Variants in BFSP1 observed in about 807,000 individuals in gnomAD.
BFSP1 encodes the protein beaded filament structural protein 1.
BFSP1 carries 38 observed loss-of-function variants against 43.9 expected under a neutral mutation model. The observed-to-expected ratio is 0.87, with a 90% CI of 0.67 to 1.14. The LOEUF is 1.14. BFSP1 is among the 50% of genes most tolerant of loss of function. The pLI is 0.00. For synonymous variants in BFSP1, 352 were observed against 354.8 expected (o/e 0.99, Z 0.09); for missense variants, 850 against 875.1 (o/e 0.97, Z 0.36).
chr20:17,522,819 T>C (rs1354393061), intron 2 of BFSP1, among the ~76,000 whole-genome samples: 1 of 152,210 alleles, frequency 6.6e-6, no homozygotes, highest in African/African-American at 2.4e-5. Flanking sequence ...TGTGATTCCA[T>C]TTCACAGATG....
chr20:17,530,979 C>T lies in BFSP1; in HGVS notation c.351G>A (p.Gln117=), dbSNP rs1600667249. 1 of 1,439,224 alleles carries T rather than the reference C, an allele frequency of 6.9e-7. No individual in the cohort carries two copies. The highest frequency in any genetic ancestry group is 1.5e-5 in the African/African-American group (1 of 67,574). The allele number at this position is 1,439,224 out of a possible 1,614,324, so 89.2% of individuals were successfully genotyped here. A position where few individuals can be genotyped will look rare whatever the true frequency, so the allele number is the denominator to read the frequency against. ...ARLERQGTEA[Q]RALDEFRSKY... ...TGCTTCGGAACTCGTCGAGCGCGCG[C>T]TGCGCCTCGGTGCCCTGGCGCTCCA... Residue 117 remains glutamine (Q), a synonymous_variant, in exon 1 of 8, where the codon CAG becomes CAA. Coordinates refer to ENST00000377873, the MANE Select transcript of BFSP1 (RefSeq NM_001195.5).
At chr20:17,506,547 G>A (rs967971967) in intron 5 of BFSP1, among the ~76,000 whole-genome samples, 3 of 143,654 alleles carry the variant, frequency 2.1e-5, no homozygotes, top group Admixed American at 7.0e-5. Flanking sequence ...TTTTGGAAAC[G>A]GGGTCTCATT....
chr20:17,563,634 TCC>T (rs2035088091), upstream of BFSP1, among the ~76,000 whole-genome samples: 1 of 151,944 alleles, frequency 6.6e-6, no homozygotes, highest in South Asian at 2.1e-4. Context: ...AGTCACCTCC[TCC>T]CCACCACCCC....
Position 17,525,451 on chromosome 20 carries a change from G to C in BFSP1, c.378-543C>G, listed in dbSNP as rs958539760. ...ATGAGGAAACTCAGGCAGATGCTCC[G>C]CACACTTTTCCCTCCTCCCAGCAGC... is the stretch of plus-strand genomic sequence containing the variant. On this transcript the variant is annotated intron_variant, in intron 1 of 7. Coordinates refer to ENST00000377873, the MANE Select transcript of BFSP1 (RefSeq NM_001195.5). The surrounding 1 kb of genome is among the most constrained non-coding windows in gnomAD (Gnocchi z 4.2). Among the ~76,000 whole-genome samples the C allele has an allele frequency of 6.6e-6, 1 of 152,144 alleles. No individual in the cohort carries two copies. Among genetic ancestry groups the C allele is most frequent in the Admixed American group, 6.5e-5 (1 of 15,272 alleles).
Position 17,497,022 on chromosome 20 carries a change from G to T in BFSP1, c.958C>A (p.Leu320Met). The change falls in exon 7 of 8, where the codon CTG (leucine) becomes ATG (methionine). Residue 320 changes from leucine (L) to methionine (M), a missense_variant and splice_region_variant. By Grantham distance (15) the Leu-to-Met change is conservative (BLOSUM62 2). Coordinates refer to ENST00000377873, the MANE Select transcript of BFSP1 (RefSeq NM_001195.5). ...HRIIEIEGNR[L>M]TSAFIETPIP... ...GGAGTTTCAATGAAGGCAGAGGTCA[G>T]CCTGGCAGAAAGAACCAGAAAGAAC... The T allele has an allele frequency of 6.5e-7, 1 of 1,535,006 alleles. No individual in the cohort carries two copies. The highest frequency in any genetic ancestry group is 8.8e-7 in the Non-Finnish European group (1 of 1,141,946).
At chr20:17,567,916 C>A (rs2035139678) in intron 1 of BFSP1, among the ~76,000 whole-genome samples, 1 of 138,820 alleles carries the variant, frequency 7.2e-6, no homozygotes. Flanking sequence ...ATAGAAGGAA[C>A]TAGGGGGGTG....
intron 2 of BFSP1, among the ~76,000 whole-genome samples, chr20:17,524,037 G>A (rs556722684): frequency 3.9e-5 from 6 of 152,116 alleles, no homozygotes; most frequent in Admixed American, 1.3e-4. Flanking sequence ...TGGAAGGGGC[G>A]GGGAAGGGCA....
At chr20:17,513,398 G>GTCA (rs1046702372) in intron 3 of BFSP1, among the ~76,000 whole-genome samples, 2 of 152,030 alleles carry the variant, frequency 1.3e-5, no homozygotes, top group African/African-American at 2.4e-5. Context: ...CATCATCACC[G>GTCA]TCATCATCAT....
At chr20:17,513,913 G>T (rs554456487) in intron 3 of BFSP1, among the ~76,000 whole-genome samples, 8 of 152,334 alleles carry the variant, frequency 5.3e-5, no homozygotes, top group Non-Finnish European at 8.8e-5. Flanking sequence ...CTACAAAGGC[G>T]AGAGGGAGCT....
At chr20:17,522,569 A>T (rs1404349562) in intron 2 of BFSP1, among the ~76,000 whole-genome samples, 2 of 152,232 alleles carry the variant, frequency 1.3e-5, no homozygotes, top group Admixed American at 6.5e-5. Flanking sequence ...GGTAATCATA[A>T]AAAATTCACA....
chr20:17,530,309 G>A (rs1344400530), intron 1 of BFSP1, among the ~76,000 whole-genome samples: 1 of 152,220 alleles, frequency 6.6e-6, no homozygotes, highest in African/African-American at 2.4e-5. Flanking sequence ...ACAGCAGTTC[G>A]CCAGCTGAGG....
intron 1 of BFSP1, among the ~76,000 whole-genome samples, chr20:17,528,146 T>C (rs550418821): frequency 6.6e-6 from 1 of 152,350 alleles, no homozygotes; most frequent in African/African-American, 2.4e-5. Flanking sequence ...TATGTGTGTG[T>C]GCCTATGGAT....
chr20:17,537,851 C>T (rs1466805601), intron 1 of BFSP1, among the ~76,000 whole-genome samples: 1 of 152,098 alleles, frequency 6.6e-6, no homozygotes, highest in Admixed American at 6.5e-5. Context: ...GGTGCTGTGG[C>T]TCACCCCTGT....
At chr20:17,528,537 GTCCTAT>G (rs1430813962) in intron 1 of BFSP1, among the ~76,000 whole-genome samples, 15 of 152,134 alleles carry the variant, frequency 9.9e-5, no homozygotes, top group Non-Finnish European at 1.9e-4. Context: ...TCTGAATGAG[GTCCTAT>G]TTCTGGGCCT....
intron 7 of BFSP1, 140 bp downstream of exon 7, chr20:17,496,797 TG>T (rs2033641839): frequency 2.7e-6 from 2 of 740,888 alleles, no homozygotes; most frequent in Non-Finnish European, 2.1e-6. Flanking sequence ...GGGCAGAGGG[TG>T]GGAAGGAGTC....
At chr20:17,529,792 C>G (rs1019482347) in intron 1 of BFSP1, among the ~76,000 whole-genome samples, 1 of 151,750 alleles carries the variant, frequency 6.6e-6, no homozygotes, top group African/African-American at 2.4e-5. Context: ...ATCTTTGCAG[C>G]CATGCCATTG....
chr20:17,534,067 A>AT (rs1162612565), upstream of BFSP1, among the ~76,000 whole-genome samples: 2 of 152,246 alleles, frequency 1.3e-5, no homozygotes, highest in Admixed American at 1.3e-4. Flanking sequence ...AGTGTGCAAT[A>AT]TTTGTCAACA....
chr20:17,522,433 T>G (rs904935397), intron 2 of BFSP1, among the ~76,000 whole-genome samples: 2 of 152,244 alleles, frequency 1.3e-5, no homozygotes, highest in African/African-American at 4.8e-5. Flanking sequence ...CTGCTGTGTT[T>G]ATGATTTCTA....
At chr20:17,563,639 A>G (rs529909646), upstream of BFSP1, among the ~76,000 whole-genome samples, 5 of 151,686 alleles carry the variant, frequency 3.3e-5, no homozygotes, top group African/African-American at 1.2e-4. Flanking sequence ...CCTCCTCCCC[A>G]CCACCCCACC....
Sources: gnomAD v4.1 joint callset for allele counts (sites outside exome capture counted in the v4.1 genomes callset) on GRCh38, gnomAD v4.1.1 for gene constraint, Gnocchi (gnomAD v3.1) non-coding constraint, MANE v1.5 for transcripts, NCBI Gene and HGNC (gene_info 2026-07-23, HGNC 2026-07-21) for gene names.